MTUS2: variants seen among roughly 807,000 people sequenced by gnomAD.
MTUS2 encodes the protein microtubule associated scaffold protein 2, also known as microtubule-associated tumor suppressor candidate 2.
A neutral mutation model predicts 114.1 loss-of-function variants in MTUS2; 40 were observed. That is an observed-to-expected ratio of 0.35 (90% confidence interval 0.27 to 0.46). The LOEUF (loss-of-function observed/expected upper bound fraction) is 0.46. Ranked by LOEUF, MTUS2 falls within the 20% of genes least tolerant of loss-of-function variation. MTUS2 has a pLI of 1.00. For missense variants in MTUS2, 1,679 were observed against 1,705.4 expected, an observed-to-expected ratio of 0.98 and a Z score of 0.27; for synonymous variants, 688 against 672.0, an observed-to-expected ratio of 1.02 and a Z score of -0.37.
At chr13:29,361,114 C>T (rs894095157) in intron 8 of MTUS2, among the ~76,000 whole-genome samples, 7 of 152,138 alleles carry the variant, frequency 4.6e-5, no homozygotes, top group East Asian at 1.9e-4. Flanking sequence ...CTTCCATGTT[C>T]CAGGAAAATT....
chr13:28,996,888 T>C (rs1316234628), intron 2 of MTUS2, among the ~76,000 whole-genome samples: 3 of 152,226 alleles, frequency 2.0e-5, no homozygotes, highest in African/African-American at 7.2e-5. Context: ...GATTTTTGTG[T>C]CTCTATTTCC....
At chr13:29,007,936 A>G (rs1227752674) in intron 2 of MTUS2, among the ~76,000 whole-genome samples, 3 of 152,102 alleles carry the variant, frequency 2.0e-5, no homozygotes, top group Non-Finnish European at 4.4e-5. Context: ...CCTAACTCCC[A>G]CGTTGTTCAG....
At position 29,325,455 on chromosome 13, in the gene MTUS2, C is replaced by CAAA. The variant is rs761433335; in HGVS notation, c.2905+757_2905+759dup. On this transcript the variant is annotated intron_variant, in intron 7 of 15. Coordinates refer to ENST00000612955, the MANE Select transcript of MTUS2 (RefSeq NM_001033602.4). ...TGGGTGACAGAGTGAGACTTCATCT[C>CAAA]AAAAAAAAAAAAAAAGAAAAGAAGA... Among the ~76,000 whole-genome samples, 429 of 52,322 alleles carry CAAA rather than the reference C, an allele frequency of 8.2e-3. 5 individuals carry two copies. The highest frequency in any genetic ancestry group is 0.028 in the African/African-American group (402 of 14,340). The allele number at this position is 52,322 out of a possible 152,430, so 34.3% of individuals were successfully genotyped here. A position where few individuals can be genotyped will look rare whatever the true frequency, so the allele number is the denominator to read the frequency against.
intron 7 of MTUS2, among the ~76,000 whole-genome samples, chr13:29,353,282 A>C (rs1353302645): frequency 6.6e-6 from 1 of 152,120 alleles, no homozygotes; most frequent in Non-Finnish European, 1.5e-5. Context: ...CGATCCTCCC[A>C]CATCAGTCTC....
intron 5 of MTUS2, among the ~76,000 whole-genome samples, chr13:29,160,399 T>C (rs1893043529): frequency 6.6e-6 from 1 of 152,242 alleles, no homozygotes; most frequent in South Asian, 2.1e-4. Context: ...AAAATACATG[T>C]TAATCCATGA....
At chr13:29,321,050 A>G (rs1434945039) in intron 6 of MTUS2, among the ~76,000 whole-genome samples, 1 of 152,192 alleles carries the variant, frequency 6.6e-6, no homozygotes, top group African/African-American at 2.4e-5. Flanking sequence ...TTGTCATCAA[A>G]TAGATAAGCA....
intron 4 of MTUS2, among the ~76,000 whole-genome samples, chr13:29,060,262 G>A (rs1888348440): frequency 6.6e-6 from 1 of 152,192 alleles, no homozygotes; most frequent in Non-Finnish European, 1.5e-5. Flanking sequence ...CCCACAAAAT[G>A]TCCAGGTGGC....
chr13:28,934,378 A>G (rs1435011696), intron 2 of MTUS2, among the ~76,000 whole-genome samples: 1 of 152,176 alleles, frequency 6.6e-6, no homozygotes, highest in Non-Finnish European at 1.5e-5. Flanking sequence ...ACTCACTGTT[A>G]CATAAATAAG....
chr13:29,054,363 G>T (rs1654330603), intron 4 of MTUS2, among the ~76,000 whole-genome samples: 3 of 151,922 alleles, frequency 2.0e-5, no homozygotes, highest in Non-Finnish European at 4.4e-5. Flanking sequence ...TCTGGTGTTT[G>T]TCTTGATTTT....
At position 29,203,831 on chromosome 13, in the gene MTUS2, A is replaced by G. The variant is rs376513564; in HGVS notation, c.2645-77873A>G. ...GTGAGGCAGCACCCCACCCTGCTTC[A>G]TCTCACCCCCCATGGGCTGCATCCA... On this transcript the variant is annotated intron_variant, in intron 5 of 15. Coordinates refer to ENST00000612955, the MANE Select transcript of MTUS2 (RefSeq NM_001033602.4). 2.2e-4 allele frequency among the ~76,000 whole-genome samples: 34 copies of G among 152,098 alleles called. 1 individual carries two copies. The highest frequency in any genetic ancestry group is 1.2e-3 in the East Asian group (6 of 5,158).
chr13:29,418,695 T>C (rs1309841564), intron 8 of MTUS2, among the ~76,000 whole-genome samples: 1 of 152,226 alleles, frequency 6.6e-6, no homozygotes, highest in Non-Finnish European at 1.5e-5. Flanking sequence ...GTCCAGTTAC[T>C]GTGAGATCTG....
At chr13:28,832,472 C>T (rs1360957261) in intron 1 of MTUS2, among the ~76,000 whole-genome samples, 1 of 149,708 alleles carries the variant, frequency 6.7e-6, no homozygotes, top group African/African-American at 2.5e-5. Context: ...AACAAAAACA[C>T]AAACTTCTGA....
chr13:28,892,775 G>A (rs1879009499), intron 2 of MTUS2, among the ~76,000 whole-genome samples: 1 of 152,148 alleles, frequency 6.6e-6, no homozygotes, highest in Non-Finnish European at 1.5e-5. Context: ...TTGGTGAAGA[G>A]CTTATGGCCT....
intron 2 of MTUS2, among the ~76,000 whole-genome samples, chr13:28,848,312 C>G (rs1407489233): frequency 6.6e-6 from 1 of 152,170 alleles, no homozygotes; most frequent in African/African-American, 2.4e-5. Context: ...GTGGGACTCA[C>G]AAGCCCCTTT....
chr13:29,022,920 C>A (rs1335323716), intron 2 of MTUS2, among the ~76,000 whole-genome samples: 2 of 152,130 alleles, frequency 1.3e-5, no homozygotes, highest in Admixed American at 1.3e-4. Context: ...ATTTGTGCTG[C>A]AAATACATAA....
chr13:29,100,706 T>C, intron 4 of MTUS2, 67 bp from the exon 5 acceptor site: 1 of 1,505,436 alleles, frequency 6.6e-7, no homozygotes. Flanking sequence ...GAATTCATAA[T>C]CTGTAGAATT....
At chr13:29,163,303 C>T (rs929359583) in intron 5 of MTUS2, among the ~76,000 whole-genome samples, 12 of 152,182 alleles carry the variant, frequency 7.9e-5, no homozygotes, top group African/African-American at 2.9e-4. Flanking sequence ...GTCCTTGTGG[C>T]TGGGCTCCCG....
chr13:28,909,057 T>C (rs541162500), intron 2 of MTUS2, among the ~76,000 whole-genome samples: 1 of 151,638 alleles, frequency 6.6e-6, no homozygotes, highest in Non-Finnish European at 1.5e-5. Context: ...ATATCTCTGT[T>C]TTGGTACCAG....
chr13:29,467,848 C>T (rs1205055179), intron 9 of MTUS2, among the ~76,000 whole-genome samples: 1 of 152,236 alleles, frequency 6.6e-6, no homozygotes, highest in African/African-American at 2.4e-5. Context: ...GGCGCAGTGG[C>T]TCACGCCTGT....
Sources: gnomAD v4.1 joint callset for allele counts (sites outside exome capture counted in the v4.1 genomes callset) on GRCh38, gnomAD v4.1.1 for gene constraint, MANE v1.5 for transcripts, NCBI Gene and HGNC (gene_info 2026-07-23, HGNC 2026-07-21) for gene names.